Variants in SPIRE1 observed in about 807,000 individuals in gnomAD.
SPIRE1 encodes protein spire homolog 1.
SPIRE1 carries 40 observed loss-of-function variants against 94.1 expected under a neutral mutation model. That is an observed-to-expected ratio of 0.43 (90% CI 0.33 to 0.55). The LOEUF is 0.55. Among genes scored for constraint, SPIRE1 ranks in the 20% least tolerant of loss-of-function variants. The probability of loss-of-function intolerance (pLI) is 0.06; values close to 1 mark genes in which losing one functional copy is unlikely to be tolerated. For synonymous variants in SPIRE1, 376 were observed against 371.7 expected (o/e 1.01, Z -0.13); for missense variants, 838 against 975.2 (o/e 0.86, Z 1.87).
chr18:12,569,678 T>C (rs2035916592), intron 2 of SPIRE1, among the ~76,000 whole-genome samples: 1 of 150,304 alleles, frequency 6.7e-6, no homozygotes, highest in Non-Finnish European at 1.5e-5. Flanking sequence ...AGATCTAAAA[T>C]ATTCATCTGA....
intron 14 of SPIRE1, 62 bp downstream of exon 14, chr18:12,453,006 A>G (rs499013): frequency 0.71 from 722,074 of 1,019,952 alleles, 258,264 homozygotes; most frequent in Middle Eastern, 0.87. Flanking sequence ...AATAAGGAAG[A>G]TAATTGGTAT....
chr18:12,463,625 T>TA (rs2031967188), intron 11 of SPIRE1, 132 bp from the exon 12 acceptor site: 1 of 735,802 alleles, frequency 1.4e-6, no homozygotes, highest in Non-Finnish European at 2.1e-6. Flanking sequence ...AAGATGGTAA[T>TA]GGTAATCCTT....
At chr18:12,497,824 G>A (rs2033513557) in intron 6 of SPIRE1, among the ~76,000 whole-genome samples, 1 of 152,120 alleles carries the variant, frequency 6.6e-6, no homozygotes, top group Non-Finnish European at 1.5e-5. Context: ...GTATCTTTCT[G>A]GCTAATTTTC....
chr18:12,508,977 C>T (rs1038474727), intron 5 of SPIRE1, among the ~76,000 whole-genome samples: 1 of 152,066 alleles, frequency 6.6e-6, no homozygotes, highest in Non-Finnish European at 1.5e-5. Context: ...GCCTGGCCCA[C>T]ACTTTGTTAC....
At chr18:12,618,094 CTTATTTT>C (rs1202504050) in intron 2 of SPIRE1, among the ~76,000 whole-genome samples, 3 of 151,516 alleles carry the variant, frequency 2.0e-5, no homozygotes, top group Middle Eastern at 3.2e-3. Context: ...CTATAAGGTA[CTTATTTT>C]TTATTTTTTA....
intron 12 of SPIRE1, chr18:12,459,863 TG>T (rs2031700511): frequency 1.0e-6 from 1 of 985,786 alleles, no homozygotes; most frequent in Non-Finnish European, 1.2e-6. Context: ...GCAGAGAAGC[TG>T]TTTGTATGGT....
At chr18:12,624,124 T>A (rs2037553297) in intron 2 of SPIRE1, among the ~76,000 whole-genome samples, 1 of 133,930 alleles carries the variant, frequency 7.5e-6, no homozygotes, top group Admixed American at 7.5e-5. Context: ...AGTTTCGCCA[T>A]GTTGATCAGC....
At chr18:12,578,802 A>G (rs1424508817) in intron 2 of SPIRE1, among the ~76,000 whole-genome samples, 1 of 152,210 alleles carries the variant, frequency 6.6e-6, no homozygotes, top group African/African-American at 2.4e-5. Flanking sequence ...TACAGAATTC[A>G]AATACTAAAA....
chr18:12,661,108 G>A (rs368627048), upstream of SPIRE1, among the ~76,000 whole-genome samples: 1 of 152,254 alleles, frequency 6.6e-6, no homozygotes, highest in Non-Finnish European at 1.5e-5. Flanking sequence ...AGGAGTTCGA[G>A]ACCAGCCTGG....
chr18:12,518,526 A>T (rs553667480), intron 4 of SPIRE1, among the ~76,000 whole-genome samples: 1 of 151,818 alleles, frequency 6.6e-6, no homozygotes, highest in South Asian at 2.1e-4. Flanking sequence ...AGAAAAAAGC[A>T]ACAAATTACT....
chr18:12,658,122 C>CCCCGCCCCGCCCCGCCTCGCGCCGT (rs2038613167), upstream of SPIRE1: 2 of 969,720 alleles, frequency 2.1e-6, no homozygotes, highest in African/African-American at 3.6e-5. Flanking sequence ...CCCCGCCCCG[C>CCCCGCCCCGCCCCGCCTCGCGCCGT]CCCGCCCCGC....
intron 2 of SPIRE1, among the ~76,000 whole-genome samples, chr18:12,623,313 C>G (rs149758996): frequency 5.2e-4 from 79 of 152,046 alleles, no homozygotes; most frequent in African/African-American, 1.9e-3. Context: ...GCCACCACGC[C>G]TGGCTGATTT....
At chr18:12,475,717 T>C (rs1262794874) in intron 10 of SPIRE1, among the ~76,000 whole-genome samples, 2 of 152,206 alleles carry the variant, frequency 1.3e-5, no homozygotes, top group African/African-American at 4.8e-5. Context: ...TAGGAATAGA[T>C]AGAATTCCTC....
At chr18:12,628,551 T>C (rs1344566778) in intron 2 of SPIRE1, among the ~76,000 whole-genome samples, 4 of 152,216 alleles carry the variant, frequency 2.6e-5, no homozygotes, top group Non-Finnish European at 5.9e-5. Context: ...TGGTTCTATA[T>C]GAACTTTAAA....
intron 2 of SPIRE1, among the ~76,000 whole-genome samples, chr18:12,602,203 A>G (rs2036854261): frequency 6.6e-6 from 1 of 152,298 alleles, no homozygotes; most frequent in African/African-American, 2.4e-5. Flanking sequence ...AGACAGCAAC[A>G]TAAGAGATCA....
intron 1 of SPIRE1, among the ~76,000 whole-genome samples, chr18:12,640,956 G>A (rs763311834): frequency 3.3e-5 from 5 of 152,170 alleles, no homozygotes; most frequent in Non-Finnish European, 7.3e-5. Flanking sequence ...TGTGAAGAAC[G>A]TAGTGGAGAC....
intron 2 of SPIRE1, among the ~76,000 whole-genome samples, chr18:12,577,174 G>A (rs1472039885): frequency 6.6e-6 from 1 of 152,014 alleles, no homozygotes; most frequent in African/African-American, 2.4e-5. Flanking sequence ...TTGAGACGGA[G>A]TCTAGCTCTG....
chr18:12,576,248 C>A (rs1338968057), intron 2 of SPIRE1, among the ~76,000 whole-genome samples: 3 of 151,520 alleles, frequency 2.0e-5, no homozygotes, highest in African/African-American at 7.3e-5. Context: ...TCTAGAATAG[C>A]CAGAACAATT....
chr18:12,551,544 A>G (rs2035348642), intron 2 of SPIRE1, among the ~76,000 whole-genome samples: 1 of 152,126 alleles, frequency 6.6e-6, no homozygotes, highest in Non-Finnish European at 1.5e-5. Context: ...TACTAAAAAT[A>G]CAAAAACAAA....
Sources: gnomAD v4.1 joint callset for allele counts (sites outside exome capture counted in the v4.1 genomes callset) on GRCh38, gnomAD v4.1.1 for gene constraint, MANE v1.5 for transcripts, NCBI Gene and HGNC (gene_info 2026-07-23, HGNC 2026-07-21) for gene names.